The following CARMIL1 variants were observed in gnomAD, a reference collection of about 807,000 sequenced individuals.
CARMIL1 encodes F-actin-uncapping protein LRRC16A.
In CARMIL1, 90 loss-of-function variants were observed where a neutral mutation model predicts 177.1. The ratio of observed to expected loss-of-function variants is 0.51; its 90% CI spans 0.43 to 0.61. The LOEUF (loss-of-function observed/expected upper bound fraction) is 0.61. CARMIL1 is among the 20% of genes least tolerant of loss of function. The pLI is 0.00. For synonymous variants in CARMIL1, 577 were observed against 606.2 expected, an observed-to-expected ratio of 0.95 and a Z score of 0.71; for missense variants, 1,380 against 1,667.0, an observed-to-expected ratio of 0.83 and a Z score of 3.00.
intron 2 of CARMIL1, among the ~76,000 whole-genome samples, chr6:25,360,343 A>G (rs1789067057): frequency 1.3e-5 from 2 of 152,228 alleles, no homozygotes; most frequent in Non-Finnish European, 2.9e-5. Flanking sequence ...AGAAGAGAAC[A>G]TCTTGCAGTG....
intron 4 of CARMIL1, among the ~76,000 whole-genome samples, chr6:25,434,498 T>C (rs2150760444): frequency 6.6e-6 from 1 of 151,678 alleles, no homozygotes; most frequent in East Asian, 1.9e-4. Flanking sequence ...GTATCCCCTC[T>C]TCTTAGAAAG....
In CARMIL1 at chr6:25,431,137, T is replaced by G. The variant is rs553073986; in HGVS notation, c.250-4346T>G. ...CCACTAACTCGTCATTTAACAACTT[T>G]CTTTTTGGTTCCATTGGTTTTCTTT... On this transcript the variant is annotated intron_variant, in intron 4 of 36. Coordinates refer to ENST00000329474, the MANE Select transcript of CARMIL1 (RefSeq NM_017640.6). Among the ~76,000 whole-genome samples, 125 of 152,336 alleles carry G rather than the reference T, an allele frequency of 8.2e-4. 4 individuals are homozygous for G. In the South Asian group the frequency reaches 0.025, roughly 30 times the overall value.
At chr6:25,393,113 C>T (rs996369738) in intron 2 of CARMIL1, among the ~76,000 whole-genome samples, 3 of 151,794 alleles carry the variant, frequency 2.0e-5, no homozygotes, top group African/African-American at 7.3e-5. Flanking sequence ...GTTCAGATCT[C>T]CACAATAACT....
intron 29 of CARMIL1, 61 bp downstream of exon 29, chr6:25,556,911 T>G (rs1278129336): frequency 1.3e-6 from 2 of 1,494,784 alleles, no homozygotes; most frequent in Middle Eastern, 1.7e-4. Context: ...ATTGTTTTTT[T>G]TTTTTTTTTT....
chr6:25,610,241 A>AAATAAAGG (rs1816396910), intron 36 of CARMIL1, 60 bp downstream of exon 36: 1 of 1,531,644 alleles, frequency 6.5e-7, no homozygotes, highest in African/African-American at 1.4e-5. Context: ...GGACATTTCA[A>AAATAAAGG]AATAAAGGAA....
chr6:25,462,744 G>C (rs1234225658), intron 8 of CARMIL1, among the ~76,000 whole-genome samples: 1 of 152,042 alleles, frequency 6.6e-6, no homozygotes, highest in Non-Finnish European at 1.5e-5. Flanking sequence ...CTTTTTGTTT[G>C]TTTGTTTTTT....
chr6:25,620,109 AT>A lies in CARMIL1; in HGVS notation c.*529del. ...ATTATATTAACAGAGCACACTAATA[AT>A]TTGTATAGATTATATATATTAGATC... On this transcript the variant is annotated 3_prime_UTR_variant, in exon 37 of 37. Transcript: ENST00000329474. The A allele has an allele frequency of 6.5e-6, 1 of 152,714 alleles. No individual in the cohort carries two copies. Among genetic ancestry groups the A allele is most frequent in the Admixed American group, 6.5e-5 (1 of 15,302 alleles). 9.5% of individuals were successfully genotyped at this position (152,714 alleles called of 1,614,324 possible).
intron 2 of CARMIL1, among the ~76,000 whole-genome samples, chr6:25,319,265 T>C (rs1024014675): frequency 1.3e-5 from 2 of 152,212 alleles, no homozygotes; most frequent in Non-Finnish European, 2.9e-5. Context: ...GCTGACTTCT[T>C]GTTCTGACTT....
chr6:25,532,966 C>T (rs1807918302), intron 24 of CARMIL1, among the ~76,000 whole-genome samples: 4 of 152,072 alleles, frequency 2.6e-5, no homozygotes, highest in Admixed American at 2.6e-4. Context: ...AAAACAGGCC[C>T]AGAATTGCCT....
chr6:25,295,153 A>G (rs1487321981), intron 2 of CARMIL1, among the ~76,000 whole-genome samples: 1 of 152,166 alleles, frequency 6.6e-6, no homozygotes, highest in African/African-American at 2.4e-5. Context: ...AATCCTATCA[A>G]TTTAGATATA....
At chr6:25,482,687 T>C (rs192053386) in intron 12 of CARMIL1, among the ~76,000 whole-genome samples, 13 of 152,198 alleles carry the variant, frequency 8.5e-5, no homozygotes, top group African/African-American at 2.9e-4. Flanking sequence ...CAAGTTGGCC[T>C]TTCTAACTGT....
At chr6:25,289,064 A>G (rs1276830831) in intron 2 of CARMIL1, among the ~76,000 whole-genome samples, 1 of 152,206 alleles carries the variant, frequency 6.6e-6, no homozygotes, top group Non-Finnish European at 1.5e-5. Context: ...CAGGCCAGAG[A>G]TGATGCCTCT....
chr6:25,279,816 C>G lies in CARMIL1; in HGVS notation c.21C>G (p.Asp7Glu), dbSNP rs1780926882. The G allele has an allele frequency of 3.1e-6, 5 of 1,613,992 alleles. No homozygotes were observed. The highest frequency in any genetic ancestry group is 3.4e-6 in the Non-Finnish European group (4 of 1,179,876). The change falls in exon 1 of 37, where the codon GAC becomes GAG. Residue 7 changes from aspartate (D) to glutamate (E), a missense_variant. Coordinates refer to ENST00000329474, the MANE Select transcript of CARMIL1 (RefSeq NM_017640.6). MTEESS[D>E]VPRELIESIK... ...CAACCATGACCGAGGAGAGCTCTGA[C>G]GTTCCCAGGGAGTTGATAGGTAAGA... is the stretch of plus-strand genomic sequence containing the variant.
chr6:25,566,487 G>A (rs1811561294), intron 29 of CARMIL1, among the ~76,000 whole-genome samples: 1 of 152,214 alleles, frequency 6.6e-6, no homozygotes, highest in African/African-American at 2.4e-5. Flanking sequence ...TCTTCGTGCT[G>A]TTTAGGTCAC....
intron 16 of CARMIL1, among the ~76,000 whole-genome samples, 190 bp downstream of exon 16, chr6:25,495,405 CT>C (rs1334238095): frequency 7.9e-5 from 12 of 152,110 alleles, no homozygotes; most frequent in Non-Finnish European, 1.3e-4. Context: ...ATTATTGCAT[CT>C]TCTAAGAAAA....
intron 2 of CARMIL1, among the ~76,000 whole-genome samples, chr6:25,312,843 G>A (rs998202431): frequency 1.4e-5 from 2 of 148,120 alleles, no homozygotes; most frequent in Non-Finnish European, 1.5e-5. Flanking sequence ...ACAGCTGGCA[G>A]ATCTCTATAA....
chr6:25,291,049 C>T (rs764681812), intron 2 of CARMIL1, among the ~76,000 whole-genome samples: 9 of 152,094 alleles, frequency 5.9e-5, no homozygotes, highest in Non-Finnish European at 1.3e-4. Context: ...TGGACTCAAG[C>T]GATTCTCCCA....
At chr6:25,370,452 T>C (rs752568245) in intron 2 of CARMIL1, among the ~76,000 whole-genome samples, 13 of 152,228 alleles carry the variant, frequency 8.5e-5, no homozygotes, top group Non-Finnish European at 1.6e-4. Flanking sequence ...GTGTAGCCAG[T>C]TGTCAAATAT....
chr6:25,556,951 AAAACAC>A, intron 29 of CARMIL1, 101 bp downstream of exon 29: 5 of 1,191,294 alleles, frequency 4.2e-6, no homozygotes, highest in Non-Finnish European at 1.2e-6. Flanking sequence ...CAGACCAAAC[AAAACAC>A]TGTCCCCACC....
Sources: allele counts gnomAD v4.1 joint callset (sites outside exome capture counted in the v4.1 genomes callset), GRCh38; gene constraint gnomAD v4.1.1; transcripts MANE v1.5; gene names NCBI Gene and HGNC (gene_info 2026-07-23, HGNC 2026-07-21).